ATP8A2: variants seen among roughly 807,000 people sequenced by gnomAD.
ATP8A2 encodes ATPase phospholipid transporting 8A2.
A neutral mutation model predicts 165.6 loss-of-function variants in ATP8A2; 100 were observed. The ratio of observed to expected loss-of-function variants is 0.60; its 90% CI spans 0.51 to 0.71. ATP8A2 has a LOEUF of 0.71. ATP8A2 is among the 30% of genes least tolerant of loss of function. The pLI is 0.00. For synonymous variants in ATP8A2, 543 were observed against 548.8 expected (o/e 0.99, Z 0.15); for missense variants, 1,227 against 1,479.5 (o/e 0.83, Z 2.80).
chr13:25,968,767 G>A (rs1338963764), intron 35 of ATP8A2, 88 bp downstream of exon 35: 2 of 1,062,756 alleles, frequency 1.9e-6, no homozygotes, highest in Non-Finnish European at 2.8e-6. Flanking sequence ...TTCTCATCTT[G>A]GTTTTCGATG....
intron 36 of ATP8A2, among the ~76,000 whole-genome samples, chr13:26,013,143 G>C (rs1956884899): frequency 6.6e-6 from 1 of 151,332 alleles, no homozygotes; most frequent in Non-Finnish European, 1.5e-5. Context: ...CGACTTTGGA[G>C]CTCAGGGGGA....
intron 27 of ATP8A2, among the ~76,000 whole-genome samples, chr13:25,800,086 C>A (rs1315740910): frequency 6.6e-6 from 1 of 152,184 alleles, no homozygotes; most frequent in African/African-American, 2.4e-5. Flanking sequence ...ATTTAATGTC[C>A]ACCAACTCCT....
At chr13:25,821,011 G>A (rs1268121375) in intron 27 of ATP8A2, among the ~76,000 whole-genome samples, 3 of 151,710 alleles carry the variant, frequency 2.0e-5, no homozygotes, top group African/African-American at 7.3e-5. Context: ...ATCATCTAAT[G>A]ATGGATTATT....
At chr13:25,616,333 T>C (rs1160230009) in intron 24 of ATP8A2, among the ~76,000 whole-genome samples, 32 of 142,242 alleles carry the variant, frequency 2.2e-4, no homozygotes, top group African/African-American at 8.1e-4. Flanking sequence ...TTTCTTTTTT[T>C]TTTTTTTTTT....
At chr13:25,815,932 C>A (rs1951006596) in intron 27 of ATP8A2, among the ~76,000 whole-genome samples, 1 of 152,156 alleles carries the variant, frequency 6.6e-6, no homozygotes. Flanking sequence ...GCTACACAGA[C>A]AAGGACAAAT....
chr13:26,007,808 C>A (rs1956773377), intron 35 of ATP8A2, among the ~76,000 whole-genome samples: 1 of 152,150 alleles, frequency 6.6e-6, no homozygotes, highest in East Asian at 1.9e-4. Flanking sequence ...GCAGAGGTTT[C>A]ATGGGTTAAT....
intron 1 of ATP8A2, among the ~76,000 whole-genome samples, chr13:25,464,817 T>C (rs991850420): frequency 6.6e-6 from 1 of 152,224 alleles, no homozygotes; most frequent in Non-Finnish European, 1.5e-5. Context: ...ATGTATTCAT[T>C]TGACATATTC....
At chr13:25,781,391 G>A (rs1160740376) in intron 27 of ATP8A2, among the ~76,000 whole-genome samples, 1 of 152,046 alleles carries the variant, frequency 6.6e-6, no homozygotes. Flanking sequence ...TCCTTTTGCT[G>A]TTTTACAGCT....
At chr13:25,491,235 A>G (rs1342415443) in intron 2 of ATP8A2, among the ~76,000 whole-genome samples, 1 of 152,008 alleles carries the variant, frequency 6.6e-6, no homozygotes, top group Non-Finnish European at 1.5e-5. Flanking sequence ...TTCCCAGTTA[A>G]CCCTCTGTCT....
chr13:25,537,708 G>A (rs1335902503), intron 6 of ATP8A2, among the ~76,000 whole-genome samples: 1 of 152,164 alleles, frequency 6.6e-6, no homozygotes, highest in African/African-American at 2.4e-5. Flanking sequence ...ATAATTGTAA[G>A]AAAACGAGAT....
chr13:26,019,458 T>TTG (rs984745622), intron 36 of ATP8A2, among the ~76,000 whole-genome samples: 1 of 152,174 alleles, frequency 6.6e-6, no homozygotes, highest in East Asian at 1.9e-4. Context: ...ACTATTAGTG[T>TTG]TGTGTGTGTG....
chr13:25,828,835 T>C (rs1271945402), intron 28 of ATP8A2, among the ~76,000 whole-genome samples: 1 of 152,128 alleles, frequency 6.6e-6, no homozygotes. Context: ...CTGCTTAGCT[T>C]TCTTGCTTTT....
chr13:25,690,043 A>G (rs1324680251), intron 24 of ATP8A2, among the ~76,000 whole-genome samples: 1 of 152,182 alleles, frequency 6.6e-6, no homozygotes, highest in African/African-American at 2.4e-5. Flanking sequence ...TAAAATAAAA[A>G]TCTAGTTTGG....
intron 33 of ATP8A2, among the ~76,000 whole-genome samples, chr13:25,931,493 G>A (rs1954767682): frequency 6.6e-6 from 1 of 152,140 alleles, no homozygotes; most frequent in African/African-American, 2.4e-5. Context: ...AGAAGTGACT[G>A]TGCCCCATGG....
At chr13:25,767,037 T>C (rs1196504990) in intron 25 of ATP8A2, among the ~76,000 whole-genome samples, 1 of 152,214 alleles carries the variant, frequency 6.6e-6, no homozygotes, top group East Asian at 1.9e-4. Flanking sequence ...CACAGGAAAA[T>C]GTCATACTCA....
intron 1 of ATP8A2, among the ~76,000 whole-genome samples, chr13:25,395,984 CA>C (rs57524918): frequency 0.21 from 32,383 of 152,062 alleles, 3,648 homozygotes; most frequent in Admixed American, 0.29. Flanking sequence ...GCTGGGACTA[CA>C]GGTGTGCATC....
Position 25,865,777 on chromosome 13 carries a change from G to A in ATP8A2, c.3183+3369G>A, listed in dbSNP as rs560391613. Among the ~76,000 whole-genome samples, 234 of 152,268 alleles carry A rather than the reference G, an allele frequency of 1.5e-3. 1 individual carries two copies. Among genetic ancestry groups the A allele is most frequent in the Non-Finnish European group, 2.2e-3 (149 of 68,018 alleles). ...TGCATCCTTCCCCTCCTGAAAATAC[G>A]CCACATTTGTGGGATTTTAAGGGGC... is the stretch of plus-strand genomic sequence containing the variant. On this transcript the variant is annotated intron_variant, in intron 33 of 36. Coordinates refer to ENST00000381655, the MANE Select transcript of ATP8A2 (RefSeq NM_016529.6).
chr13:25,937,848 C>CAAAAAAAA (rs57258286), intron 33 of ATP8A2, among the ~76,000 whole-genome samples: 44 of 83,542 alleles, frequency 5.3e-4, no homozygotes, highest in African/African-American at 9.9e-4. Flanking sequence ...GACTCCGTCT[C>CAAAAAAAA]AAAAAAAAAA....
At chr13:25,390,387 TG>T (rs1206284946) in intron 1 of ATP8A2, among the ~76,000 whole-genome samples, 2 of 152,188 alleles carry the variant, frequency 1.3e-5, no homozygotes, top group African/African-American at 4.8e-5. Flanking sequence ...GCATAGTGTA[TG>T]GGTGTATAAT....
Sources: allele counts gnomAD v4.1 joint callset (sites outside exome capture counted in the v4.1 genomes callset), GRCh38; gene constraint gnomAD v4.1.1; transcripts MANE v1.5; gene names NCBI Gene and HGNC (gene_info 2026-07-23, HGNC 2026-07-21).